The following LRMDA variants were observed in gnomAD, a reference collection of about 807,000 sequenced individuals.
The protein encoded by LRMDA is leucine rich melanocyte differentiation associated, also known as leucine-rich melanocyte differentiation-associated protein.
LRMDA carries 18 observed loss-of-function variants against 29.8 expected under a neutral mutation model. That is an observed-to-expected ratio of 0.60 (90% CI 0.42 to 0.90). The LOEUF is 0.90. LRMDA is among the 40% of genes least tolerant of loss of function. The probability of loss-of-function intolerance (pLI) is 0.00; values close to 1 mark genes in which losing one functional copy is unlikely to be tolerated. For missense variants in LRMDA, 273 were observed against 273.9 expected (o/e 1.00, Z 0.02); for synonymous variants, 125 against 109.4 (o/e 1.14, Z -0.89).
intron 3 of LRMDA, among the ~76,000 whole-genome samples, chr10:76,046,892 G>C (rs1478220261): frequency 6.6e-6 from 1 of 152,158 alleles, no homozygotes; most frequent in Non-Finnish European, 1.5e-5. Context: ...CAGAACTATA[G>C]AGGAAAGAAA....
intron 5 of LRMDA, among the ~76,000 whole-genome samples, chr10:76,190,809 A>G (rs1851230966): frequency 6.6e-6 from 1 of 152,184 alleles, no homozygotes; most frequent in Non-Finnish European, 1.5e-5. Flanking sequence ...TCCAAAACAC[A>G]TACGCTGTAA....
intron 2 of LRMDA, among the ~76,000 whole-genome samples, chr10:75,472,687 T>C (rs1270798378): frequency 6.6e-6 from 1 of 152,182 alleles, no homozygotes; most frequent in Non-Finnish European, 1.5e-5. Flanking sequence ...TAGTCCATCA[T>C]GTATATGGTG....
At chr10:75,586,371 A>ATTTTTTTTC (rs1840656259) in intron 2 of LRMDA, among the ~76,000 whole-genome samples, 2 of 20,354 alleles carry the variant, frequency 9.8e-5, no homozygotes, top group African/African-American at 1.7e-4. Context: ...TTTTTTTTTA[A>ATTTTTTTTC]ATTAGAGACA....
intron 5 of LRMDA, among the ~76,000 whole-genome samples, chr10:76,190,715 G>C (rs1048589876): frequency 6.6e-6 from 1 of 152,182 alleles, no homozygotes. Context: ...TCCCTGCCTA[G>C]CATTCAGAGG....
intron 6 of LRMDA, among the ~76,000 whole-genome samples, chr10:76,472,445 C>G (rs1842627625): frequency 6.6e-6 from 1 of 151,636 alleles, no homozygotes; most frequent in East Asian, 1.9e-4. Context: ...GTAAATGCTA[C>G]TACAAACTGA....
chr10:76,495,560 A>C (rs146820434), intron 6 of LRMDA, among the ~76,000 whole-genome samples: 3,973 of 151,926 alleles, frequency 0.026, 73 homozygotes, highest in Non-Finnish European at 0.038. Context: ...AAACCTATAG[A>C]TCTTATAGGA....
intron 6 of LRMDA, among the ~76,000 whole-genome samples, chr10:76,516,020 A>C (rs1843057324): frequency 6.6e-6 from 1 of 152,184 alleles, no homozygotes; most frequent in Non-Finnish European, 1.5e-5. Context: ...ATGAATAAAA[A>C]ACTCCTTTGT....
intron 2 of LRMDA, among the ~76,000 whole-genome samples, chr10:75,617,203 C>A (rs890463510): frequency 6.6e-6 from 1 of 152,198 alleles, no homozygotes; most frequent in African/African-American, 2.4e-5. Flanking sequence ...AGATCCAGAT[C>A]TTGGACAGTT....
At chr10:75,832,804 A>G (rs1376268710) in intron 2 of LRMDA, among the ~76,000 whole-genome samples, 1 of 152,228 alleles carries the variant, frequency 6.6e-6, no homozygotes, top group Non-Finnish European at 1.5e-5. Flanking sequence ...GCTTGTGCAG[A>G]GAAACTTCTG....
At chr10:76,016,823 C>T (rs1483087703) in intron 2 of LRMDA, among the ~76,000 whole-genome samples, 1 of 152,218 alleles carries the variant, frequency 6.6e-6, no homozygotes, top group Non-Finnish European at 1.5e-5. Flanking sequence ...TTGACCGCCG[C>T]ATCAGTGCTC....
chr10:76,329,218 C>G (rs1467974941), intron 6 of LRMDA, among the ~76,000 whole-genome samples: 1 of 152,204 alleles, frequency 6.6e-6, no homozygotes, highest in East Asian at 1.9e-4. Flanking sequence ...GTTTTCAGTT[C>G]TCCCTCGAAG....
chr10:75,944,690 G>A (rs1846448459), intron 2 of LRMDA, among the ~76,000 whole-genome samples: 1 of 149,772 alleles, frequency 6.7e-6, no homozygotes, highest in Non-Finnish European at 1.5e-5. Flanking sequence ...CTGTTCTCCT[G>A]TTAAGGTCAA....
intron 2 of LRMDA, among the ~76,000 whole-genome samples, chr10:75,648,846 A>G (rs1458985108): frequency 2.6e-5 from 4 of 152,138 alleles, no homozygotes; most frequent in Non-Finnish European, 5.9e-5. Context: ...GGTGGTGGGC[A>G]TATTCCCATA....
chr10:75,739,952 C>T (rs925815648), intron 2 of LRMDA, among the ~76,000 whole-genome samples: 1 of 152,122 alleles, frequency 6.6e-6, no homozygotes, highest in South Asian at 2.1e-4. Context: ...TGAGGTAGAT[C>T]GGTAACTTTT....
chr10:76,188,655 TG>T (rs1851189824), intron 5 of LRMDA, among the ~76,000 whole-genome samples: 1 of 151,980 alleles, frequency 6.6e-6, no homozygotes, highest in Non-Finnish European at 1.5e-5. Context: ...ACTCACGTTC[TG>T]GGCCATGTGT....
chr10:76,191,767 C>T (rs1380178929), intron 5 of LRMDA, among the ~76,000 whole-genome samples: 1 of 152,116 alleles, frequency 6.6e-6, no homozygotes, highest in African/African-American at 2.4e-5. Context: ...ATGACTCTTT[C>T]GATTACCTTG....
chr10:75,508,265 TTC>T (rs1491578545), intron 2 of LRMDA, among the ~76,000 whole-genome samples: 10 of 152,138 alleles, frequency 6.6e-5, no homozygotes, highest in Admixed American at 3.3e-4. Flanking sequence ...TGGTGTTTTT[TTC>T]CCCCCCTCTC....
intron 2 of LRMDA, among the ~76,000 whole-genome samples, chr10:75,796,009 T>C (rs1041659154): frequency 1.3e-5 from 2 of 152,250 alleles, no homozygotes; most frequent in Non-Finnish European, 2.9e-5. Context: ...TCTTTGCTTC[T>C]AGTACATAGC....
chr10:75,488,941 A>G (rs1253698299), intron 2 of LRMDA, among the ~76,000 whole-genome samples: 1 of 152,160 alleles, frequency 6.6e-6, no homozygotes, highest in Non-Finnish European at 1.5e-5. Context: ...GAACCAACTG[A>G]AATTGGCAAA....
Sources: allele counts gnomAD v4.1 joint callset (sites outside exome capture counted in the v4.1 genomes callset), GRCh38; gene constraint gnomAD v4.1.1; transcripts MANE v1.5; gene names NCBI Gene and HGNC (gene_info 2026-07-23, HGNC 2026-07-21).